COG5: variants seen among roughly 807,000 people sequenced by gnomAD.
COG5 encodes conserved oligomeric Golgi complex subunit 5.
In COG5, 86 loss-of-function variants were observed where a neutral mutation model predicts 110.4. The ratio of observed to expected loss-of-function variants is 0.78; its 90% CI spans 0.65 to 0.93. COG5 has a LOEUF of 0.93. COG5 is among the 40% of genes least tolerant of loss of function. The pLI, the probability that COG5 is intolerant of heterozygous loss-of-function variation, is 0.00. For synonymous variants in COG5, 360 were observed against 334.6 expected, an observed-to-expected ratio of 1.08 and a Z score of -0.83; for missense variants, 1,077 against 987.0, an observed-to-expected ratio of 1.09 and a Z score of -1.22.
At chr7:107,475,605 G>A (rs2129113876) in intron 6 of COG5, 2 of 346,412 alleles carry the variant, frequency 5.8e-6, no homozygotes, top group Admixed American at 8.7e-5. Flanking sequence ...ATGTCCAACA[G>A]AAAATATTCA....
At chr7:107,527,435 G>A (rs1800855507) in intron 5 of COG5, 78 bp from the exon 6 acceptor site, 4 of 1,517,434 alleles carry the variant, frequency 2.6e-6, no homozygotes, top group African/African-American at 2.8e-5. Flanking sequence ...AACAAGCACA[G>A]TGGGTTGATA....
intron 17 of COG5, among the ~76,000 whole-genome samples, chr7:107,243,110 C>A (rs1247622458): frequency 1.3e-5 from 2 of 152,120 alleles, no homozygotes; most frequent in African/African-American, 4.8e-5. Context: ...CAAATAAGGA[C>A]ACTACATAAC....
intron 5 of COG5, among the ~76,000 whole-genome samples, chr7:107,534,396 T>C (rs1801427080): frequency 6.6e-6 from 1 of 151,272 alleles, no homozygotes. Context: ...TAAGACCCAT[T>C]CATGTGATGA....
intron 6 of COG5, among the ~76,000 whole-genome samples, chr7:107,524,933 G>A (rs1367508046): frequency 1.3e-5 from 2 of 151,948 alleles, no homozygotes; most frequent in Admixed American, 1.3e-4. Flanking sequence ...GGGGTTTTTT[G>A]TTTGTTTGTT....
At chr7:107,509,694 G>T (rs1799343923) in intron 6 of COG5, among the ~76,000 whole-genome samples, 1 of 151,670 alleles carries the variant, frequency 6.6e-6, no homozygotes, top group Non-Finnish European at 1.5e-5. Context: ...ACTAACAGCG[G>T]ATCTCTCGGC....
chr7:107,331,685 A>G (rs926204229), intron 10 of COG5, among the ~76,000 whole-genome samples: 37 of 152,250 alleles, frequency 2.4e-4, no homozygotes, highest in Non-Finnish European at 4.6e-4. Context: ...AATAACTAGG[A>G]CTAAATATAT....
chr7:107,386,941 T>C (rs1428312790), intron 7 of COG5, among the ~76,000 whole-genome samples: 1 of 152,010 alleles, frequency 6.6e-6, no homozygotes, highest in Non-Finnish European at 1.5e-5. Flanking sequence ...TCAGCCCCAC[T>C]ATCACCGGGC....
At chr7:107,403,697 A>C (rs371545195) in intron 7 of COG5, among the ~76,000 whole-genome samples, 2 of 152,120 alleles carry the variant, frequency 1.3e-5, no homozygotes, top group East Asian at 3.9e-4. Context: ...AGTAAGTGCA[A>C]AAAGTCTTTT....
chr7:107,521,554 A>T (rs954418007), intron 6 of COG5, among the ~76,000 whole-genome samples: 1 of 152,228 alleles, frequency 6.6e-6, no homozygotes, highest in African/African-American at 2.4e-5. Context: ...AACATCACTG[A>T]TCATTACAGA....
intron 17 of COG5, among the ~76,000 whole-genome samples, chr7:107,239,687 G>A (rs2116481447): frequency 6.6e-6 from 1 of 152,134 alleles, no homozygotes; most frequent in East Asian, 1.9e-4. Flanking sequence ...AATGCATTTT[G>A]TTTCCATTTT....
intron 7 of COG5, among the ~76,000 whole-genome samples, chr7:107,411,778 A>G (rs1584788615): frequency 6.6e-6 from 1 of 152,170 alleles, no homozygotes; most frequent in East Asian, 1.9e-4. Flanking sequence ...TGTCCAACAT[A>G]AATGCACAAA....
intron 6 of COG5, among the ~76,000 whole-genome samples, chr7:107,426,839 CTT>C (rs1308477665): frequency 6.6e-6 from 1 of 152,116 alleles, no homozygotes; most frequent in Non-Finnish European, 1.5e-5. Context: ...ACTTTGTTCT[CTT>C]TATACATTCT....
intron 12 of COG5, among the ~76,000 whole-genome samples, chr7:107,288,270 G>C (rs1805813187): frequency 6.6e-6 from 1 of 152,150 alleles, no homozygotes; most frequent in South Asian, 2.1e-4. Flanking sequence ...GGCTGAGGTG[G>C]AGGACTGCTT....
intron 7 of COG5, among the ~76,000 whole-genome samples, chr7:107,406,808 T>A (rs1791877896): frequency 6.6e-6 from 1 of 152,084 alleles, no homozygotes; most frequent in Admixed American, 6.6e-5. Flanking sequence ...AAGAACTGCA[T>A]AAAGATATAT....
chr7:107,351,758 G>C (rs2129041619), intron 10 of COG5, among the ~76,000 whole-genome samples: 1 of 151,566 alleles, frequency 6.6e-6, no homozygotes, highest in South Asian at 2.1e-4. Flanking sequence ...AAACCACAAT[G>C]AGATACCATC....
At chr7:107,356,730 T>C (rs961217055) in intron 10 of COG5, among the ~76,000 whole-genome samples, 3 of 152,146 alleles carry the variant, frequency 2.0e-5, no homozygotes, top group Non-Finnish European at 4.4e-5. Flanking sequence ...ACAAATATTA[T>C]AGGAAGCATA....
intron 17 of COG5, among the ~76,000 whole-genome samples, chr7:107,246,213 C>G (rs575538475): frequency 6.6e-6 from 1 of 152,256 alleles, no homozygotes; most frequent in South Asian, 2.1e-4. Context: ...CAAAAATCAA[C>G]TCAAGATGGA....
chr7:107,297,258 C>A (rs192419552), intron 12 of COG5, among the ~76,000 whole-genome samples: 4 of 152,034 alleles, frequency 2.6e-5, no homozygotes, highest in African/African-American at 7.2e-5. Flanking sequence ...TTATCATTCT[C>A]TAAGCAATAT....
At chr7:107,217,305 T>C (rs149573765) in intron 19 of COG5, among the ~76,000 whole-genome samples, 241 of 152,260 alleles carry the variant, frequency 1.6e-3, no homozygotes, top group African/African-American at 5.5e-3. Flanking sequence ...AGGTGAATTC[T>C]ATAAAAGGTT....
Sources: gnomAD v4.1 joint callset for allele counts (sites outside exome capture counted in the v4.1 genomes callset) on GRCh38, gnomAD v4.1.1 for gene constraint, MANE v1.5 for transcripts, NCBI Gene and HGNC (gene_info 2026-07-23, HGNC 2026-07-21) for gene names.